Variants in ZNF292 observed in about 807,000 individuals in gnomAD.
The protein encoded by ZNF292 is zinc finger protein 292, also known as 16 zinc-finger domain protein.
In ZNF292, 26 loss-of-function variants were observed where a neutral mutation model predicts 217.9. That is an observed-to-expected ratio of 0.12 (90% CI 0.09 to 0.17). The LOEUF is 0.17. ZNF292 is among the 10% of genes least tolerant of loss of function. The pLI is 1.00. For missense variants in ZNF292, 2,904 were observed against 3,175.2 expected, an observed-to-expected ratio of 0.91 and a Z score of 2.05; for synonymous variants, 1,257 against 1,124.1, an observed-to-expected ratio of 1.12 and a Z score of -2.37.
At chr6:87,191,295 A>C (rs1374847255) in intron 1 of ZNF292, among the ~76,000 whole-genome samples, 11 of 152,214 alleles carry the variant, frequency 7.2e-5, no homozygotes, top group Non-Finnish European at 1.2e-4. Flanking sequence ...TTAAAAAAAA[A>C]AATCACAAAA....
At chr6:87,227,247 A>C (rs888588437) in intron 4 of ZNF292, among the ~76,000 whole-genome samples, 2 of 152,204 alleles carry the variant, frequency 1.3e-5, no homozygotes, top group East Asian at 1.9e-4. Context: ...AATCCTGGCT[A>C]TAATTAGAAT....
chr6:87,207,329 T>G (rs1439409003), intron 1 of ZNF292, among the ~76,000 whole-genome samples: 1 of 152,248 alleles, frequency 6.6e-6, no homozygotes, highest in Non-Finnish European at 1.5e-5. Flanking sequence ...TTGCTTTAGC[T>G]GCATCCTACG....
chr6:87,210,312 T>C (rs980349021), intron 1 of ZNF292, among the ~76,000 whole-genome samples: 6 of 152,164 alleles, frequency 3.9e-5, no homozygotes, highest in African/African-American at 1.4e-4. Context: ...TAATTTGTGG[T>C]ATCAAAATAT....
At chr6:87,235,827 A>G (rs1011632570) in intron 5 of ZNF292, among the ~76,000 whole-genome samples, 13 of 152,166 alleles carry the variant, frequency 8.5e-5, no homozygotes, top group African/African-American at 3.1e-4. Context: ...TAAGGTTTAT[A>G]TACTCCATCC....
At chr6:87,240,916 G>C (rs768240428) in intron 5 of ZNF292, among the ~76,000 whole-genome samples, 1 of 152,216 alleles carries the variant, frequency 6.6e-6, no homozygotes, top group Non-Finnish European at 1.5e-5. Flanking sequence ...AACTTAGGTT[G>C]ACATCTTGAC....
At chr6:87,174,688 C>G (rs1184474402) in intron 1 of ZNF292, among the ~76,000 whole-genome samples, 1 of 152,102 alleles carries the variant, frequency 6.6e-6, no homozygotes, top group Non-Finnish European at 1.5e-5. Flanking sequence ...TAAAGACTTA[C>G]GCTGCTTATT....
intron 1 of ZNF292, among the ~76,000 whole-genome samples, chr6:87,171,360 TC>T (rs1416485958): frequency 6.6e-6 from 1 of 151,976 alleles, no homozygotes; most frequent in African/African-American, 2.4e-5. Context: ...CTCTGGCACT[TC>T]CTGAAGGACT....
At position 87,255,204 on chromosome 6, in the gene ZNF292, A is replaced by T; in HGVS notation, c.1575A>T (p.Arg525Ser). ...KQKKREIKQLRERGFISARFR... is the reference protein window; with the variant it reads ...KQKKREIKQLSERGFISARFR... ...AGAAGAGAGAGATAAAACAGTTAAG[A>T]GAGAGGGGATTTATATCTGCTCGGT... The change falls in exon 8 of 8, where the codon AGA becomes AGT. Residue 525 changes from arginine (R) to serine (S), a missense_variant. Coordinates refer to ENST00000369577, the MANE Select transcript of ZNF292 (RefSeq NM_015021.3). The T allele has an allele frequency of 6.2e-7, 1 of 1,613,858 alleles. No homozygotes were observed. The highest frequency in any genetic ancestry group is 2.2e-5 in the East Asian group (1 of 44,866).
chr6:87,241,776 A>C (rs1039605076), intron 5 of ZNF292, among the ~76,000 whole-genome samples: 3 of 152,224 alleles, frequency 2.0e-5, no homozygotes, highest in Admixed American at 6.5e-5. Context: ...TTAACCACTT[A>C]ACTAGCACAT....
rs1444243038 is a variant in ZNF292 at position 87,243,531 on chromosome 6, G to A, written c.798G>A (p.Glu266=). Residue 266 remains glutamate, a synonymous_variant, in exon 6 of 8, where the codon GAG becomes GAA. Coordinates refer to ENST00000369577, the MANE Select transcript of ZNF292 (RefSeq NM_015021.3). ...ALEMICNLES[E]GDEKSALVLC... is the part of the protein sequence containing the mutation. ...AAATGATCTGTAACTTAGAATCTGA[G>A]GGTGATGAAAAAAGCGCTCTTGTTT... 1 of 1,557,750 alleles carries A rather than the reference G, an allele frequency of 6.4e-7. No homozygotes were observed. The highest frequency in any genetic ancestry group is 1.9e-5 in the Admixed American group (1 of 51,490).
intron 1 of ZNF292, among the ~76,000 whole-genome samples, chr6:87,208,914 T>A (rs1340881181): frequency 1.3e-5 from 2 of 152,212 alleles, no homozygotes; most frequent in Non-Finnish European, 2.9e-5. Flanking sequence ...TAAAGTTGAC[T>A]TATTGCCCTG....
intron 4 of ZNF292, among the ~76,000 whole-genome samples, chr6:87,228,444 G>C (rs1369069875): frequency 6.6e-6 from 1 of 152,072 alleles, no homozygotes; most frequent in Non-Finnish European, 1.5e-5. Context: ...GTGTGATGTA[G>C]TTTTATTTTT....
intron 1 of ZNF292, among the ~76,000 whole-genome samples, chr6:87,169,517 TAA>T (rs1771030183): frequency 6.6e-6 from 1 of 152,194 alleles, no homozygotes; most frequent in Admixed American, 6.5e-5. Context: ...TAATTTAAAT[TAA>T]GTCTAGCACT....
At position 87,206,821 on chromosome 6, in the gene ZNF292, A is replaced by T. The variant is rs1455884618; in HGVS notation, c.169-9082A>T. On this transcript the variant is annotated intron_variant, in intron 1 of 7. Coordinates refer to ENST00000369577, the MANE Select transcript of ZNF292 (RefSeq NM_015021.3). ...TAGAGACACAGCATGCAAAAACGTC[A>T]TCACACACGCAGAACCTTATTGAAA... 2.0e-5 allele frequency among the ~76,000 whole-genome samples: 3 copies of T among 152,248 alleles called. No homozygotes were observed. In the East Asian group the frequency reaches 5.8e-4, roughly 29 times the overall value.
chr6:87,229,094 A>G (rs533927141), intron 4 of ZNF292, among the ~76,000 whole-genome samples: 11 of 152,244 alleles, frequency 7.2e-5, no homozygotes, highest in Non-Finnish European at 1.0e-4. Context: ...TCTTTTAACA[A>G]TGTTTTATAA....
At chr6:87,252,416 G>A (rs1000625542) in intron 7 of ZNF292, among the ~76,000 whole-genome samples, 1 of 152,072 alleles carries the variant, frequency 6.6e-6, no homozygotes, top group Non-Finnish European at 1.5e-5. Context: ...GCCTCCCAAA[G>A]TGCAGGGATT....
rs771514173 is a variant in ZNF292, at chr6:87,258,448, T to G, written c.4819T>G (p.Ser1607Ala). 2.4e-5 allele frequency: 38 copies of G among 1,613,706 alleles called. No individual in the cohort carries two copies. The highest frequency in any genetic ancestry group is 3.2e-5 in the Non-Finnish European group (38 of 1,179,760). ...QNFTSNSSRVSVISGPQNTRS... is the reference protein window; with the variant it reads ...QNFTSNSSRVAVISGPQNTRS... ...TTTTACCAGTAACAGTTCTCGTGTTTCTGTTATAAGTGGTCCTCAGAACAC... is the reference window on the plus strand; with the variant it reads ...TTTTACCAGTAACAGTTCTCGTGTTGCTGTTATAAGTGGTCCTCAGAACAC... Residue 1607 changes from serine to alanine, a missense_variant, in exon 8 of 8, where the codon TCT becomes GCT. By Grantham distance (99) the Ser-to-Ala change is moderately conservative. This residue lies in a region of ZNF292 where 622 missense variants were observed against 573.1 expected (regional missense o/e 1.09). Coordinates refer to ENST00000369577, the MANE Select transcript of ZNF292 (RefSeq NM_015021.3).
chr6:87,215,819 A>C (rs951638319), intron 1 of ZNF292, 84 bp from the exon 2 acceptor site: 38 of 1,138,106 alleles, frequency 3.3e-5, no homozygotes, highest in Non-Finnish European at 4.4e-5. Flanking sequence ...TATTTTTCAA[A>C]ATTTTTCAGG....
In ZNF292 at chr6:87,261,013, TCAAGAA is replaced by T. The variant is rs1385513245; in HGVS notation, c.7388_7393del (p.Arg2463_Thr2464del). On this transcript the variant is annotated inframe_deletion, in exon 8 of 8. Coordinates refer to ENST00000369577, the MANE Select transcript of ZNF292 (RefSeq NM_015021.3). ...GTGTGTATCAGAGAGCAATGATAATTCAAGAACAACAGCTACAGTTTCACAAAAGGA... is the reference window on the plus strand; with the variant it reads ...GTGTGTATCAGAGAGCAATGATAATTCAACAGCTACAGTTTCACAAAAGGA... 6.2e-7 allele frequency: 1 copy of T among 1,604,856 alleles called. No individual in the cohort carries two copies. Among genetic ancestry groups the T allele is most frequent in the Non-Finnish European group, 8.5e-7 (1 of 1,175,076 alleles).
Sources: gnomAD v4.1 joint callset for allele counts (sites outside exome capture counted in the v4.1 genomes callset) on GRCh38, gnomAD v4.1.1 for gene constraint, gnomAD v4.1.1 regional missense constraint, MANE v1.5 for transcripts, NCBI Gene and HGNC (gene_info 2026-07-23, HGNC 2026-07-21) for gene names.